RC3H2: variants seen among roughly 807,000 people sequenced by gnomAD.
The protein encoded by RC3H2 is ring finger and CCCH-type domains 2.
In RC3H2, 31 loss-of-function variants were observed where a neutral mutation model predicts 133.3. The ratio of observed to expected loss-of-function variants is 0.23; its 90% CI spans 0.17 to 0.31. The LOEUF (loss-of-function observed/expected upper bound fraction) is 0.31, where lower values mean the gene tolerates loss of function less well. Ranked by LOEUF, RC3H2 falls within the 10% of genes least tolerant of loss-of-function variation. The pLI is 1.00. For missense variants in RC3H2, 1,175 were observed against 1,437.2 expected (o/e 0.82, Z 2.95); for synonymous variants, 517 against 502.2 (o/e 1.03, Z -0.40).
intron 3 of RC3H2, among the ~76,000 whole-genome samples, chr9:122,891,143 C>T (rs1286558037): frequency 1.3e-5 from 2 of 151,712 alleles, no homozygotes; most frequent in African/African-American, 4.8e-5. Context: ...CCTCAGCCTC[C>T]CGAGTAGCTG....
At position 122,891,532 on chromosome 9, in the gene RC3H2, A is replaced by G. The variant is rs114750530; in HGVS notation, c.350-987T>C. ...CTTGACCAAACTTGCTAAATTGGTT[A>G]AATTAGTTAATTCTTAGTTCCTTAT... On this transcript the variant is annotated intron_variant, in intron 3 of 20. Transcript: ENST00000357244. Among the ~76,000 whole-genome samples, 448 of 152,356 alleles carry G rather than the reference A, an allele frequency of 2.9e-3. 2 individuals are homozygous for G. The highest frequency in any genetic ancestry group is 0.01 in the African/African-American group (423 of 41,586).
chr9:122,892,775 GTCTATACATTTTTCAAGGCA>G, intron 3 of RC3H2, 114 bp downstream of exon 3: 1 of 661,734 alleles, frequency 1.5e-6, no homozygotes, highest in Non-Finnish European at 2.6e-6. Flanking sequence ...AATTTTCTCA[GTCTATACATTTTTCAAGGCA>G]TTTCTCAAGC....
chr9:122,858,897 T>G lies in RC3H2; in HGVS notation c.2055A>C (p.Pro685=), dbSNP rs750471890. Residue 685 remains proline, a synonymous_variant, in exon 12 of 21, where the codon CCA becomes CCC. Coordinates refer to ENST00000357244, the MANE Select transcript of RC3H2 (RefSeq NM_001100588.3). ...CAGGAGCATACATTCCAGAAGGTAC[T>G]GGAGGAACTGGTCCATACGGCTGCG... ...PPPQPYGPVP[P]VPSGMYAPVY... 1 of 1,614,246 alleles carries G rather than the reference T, an allele frequency of 6.2e-7. No individual in the cohort carries two copies. Among genetic ancestry groups the G allele is most frequent in the East Asian group, 2.2e-5 (1 of 44,884 alleles).
rs943414589 is a variant in RC3H2, at chr9:122,857,942, C to T, written c.2435G>A (p.Ser812Asn). 25 of 1,614,002 alleles carry T rather than the reference C, an allele frequency of 1.5e-5. No individual in the cohort carries two copies. The highest frequency in any genetic ancestry group is 1.9e-5 in the Non-Finnish European group (22 of 1,179,914). ...TCTTACATCCGCACGAAAGTCTACA[C>T]TGAACAGAGGAGAAGGTGGTGTTGG... is the stretch of plus-strand genomic sequence containing the variant. ...QSPTPPSPLF[S>N]VDFRADFSES... The change falls in exon 13 of 21, where the codon AGT becomes AAT. Residue 812 changes from serine to asparagine, a missense_variant. Physicochemically the swap from Ser to Asn is conservative, Grantham distance 46. This residue lies in a region of RC3H2 where 490 missense variants were observed against 492.8 expected (regional missense o/e 0.99). Transcript: ENST00000357244.
At chr9:122,897,160 G>C in intron 2 of RC3H2, 119 bp downstream of exon 2, 1 of 768,386 alleles carries the variant, frequency 1.3e-6, no homozygotes, top group Non-Finnish European at 2.1e-6. Context: ...ATTTGTGTTG[G>C]GCCGCATTCA....
chr9:122,869,434 TC>T (rs1240421383), intron 9 of RC3H2, among the ~76,000 whole-genome samples: 1 of 152,140 alleles, frequency 6.6e-6, no homozygotes, highest in Non-Finnish European at 1.5e-5. Flanking sequence ...CTCTTCTCCT[TC>T]TCTTTAACAT....
intron 18 of RC3H2, among the ~76,000 whole-genome samples, chr9:122,853,378 T>TAAAAAAA (rs72033785): frequency 2.9e-4 from 24 of 83,620 alleles, no homozygotes; most frequent in East Asian, 2.0e-3. Context: ...GAATGATCAA[T>TAAAAAAA]AAAAAAAAAA....
chr9:122,875,137 T>C (rs958474770), intron 9 of RC3H2: 66 of 1,508,262 alleles, frequency 4.4e-5, no homozygotes, highest in East Asian at 4.9e-5. Context: ...ACTAGTTCGA[T>C]TGGGTACAAA....
chr9:122,863,104 C>T (rs1830521238), intron 10 of RC3H2, among the ~76,000 whole-genome samples: 1 of 152,076 alleles, frequency 6.6e-6, no homozygotes, highest in Admixed American at 6.6e-5. Context: ...AGCCCTAAAC[C>T]CCTAGAAACC....
Position 122,905,237 on chromosome 9 carries a change from T to C in RC3H2, c.-195A>G. 2 of 985,380 alleles carry C rather than the reference T, an allele frequency of 2.0e-6. No individual in the cohort carries two copies. Among genetic ancestry groups the C allele is most frequent in the Non-Finnish European group, 2.4e-6 (2 of 829,906 alleles). 61.0% of individuals were successfully genotyped at this position (985,380 alleles called of 1,614,324 possible). On this transcript the variant is annotated 5_prime_UTR_variant, in exon 1 of 21. It removes an upstream start codon present in the reference 5' UTR. Transcript: ENST00000357244. ...GGAGGTTTCACGACCTCAAACTCCA[T>C]CGGGAGCTACAGGGACAGCCCCGTT...
At chr9:122,892,450 G>A (rs953836429) in intron 3 of RC3H2, among the ~76,000 whole-genome samples, 12 of 150,860 alleles carry the variant, frequency 8.0e-5, no homozygotes, top group South Asian at 4.2e-4. Flanking sequence ...TTGCTCTGTC[G>A]CCCCAGGCTG....
chr9:122,864,127 T>C (rs1428196077), intron 10 of RC3H2, among the ~76,000 whole-genome samples: 1 of 152,260 alleles, frequency 6.6e-6, no homozygotes, highest in East Asian at 1.9e-4. Flanking sequence ...CATTGATTGC[T>C]ATGTGCCTAG....
At chr9:122,903,371 T>G (rs1299724662) in intron 1 of RC3H2, among the ~76,000 whole-genome samples, 1 of 152,264 alleles carries the variant, frequency 6.6e-6, no homozygotes, top group Non-Finnish European at 1.5e-5. Flanking sequence ...TTTTTAGCGT[T>G]CTTAGCTATT....
intron 18 of RC3H2, among the ~76,000 whole-genome samples, chr9:122,853,474 A>C (rs1403590655): frequency 6.6e-6 from 1 of 152,092 alleles, no homozygotes; most frequent in African/African-American, 2.4e-5. Context: ...ATGATCAGCC[A>C]GGCACGGGGG....
chr9:122,847,840 T>G lies in RC3H2; in HGVS notation c.*1787A>C, dbSNP rs968258366. ...GCTACAAACAAACATCTTCATACAT[T>G]TGAGTATTAAATAAATGTGTAAGAT... is the stretch of plus-strand genomic sequence containing the variant. On this transcript the variant is annotated 3_prime_UTR_variant, in exon 21 of 21. Coordinates refer to ENST00000357244, the MANE Select transcript of RC3H2 (RefSeq NM_001100588.3). 1.3e-5 allele frequency: 2 copies of G among 152,138 alleles called. No homozygotes were observed. The highest frequency in any genetic ancestry group is 4.8e-5 in the African/African-American group (2 of 41,438). The allele number at this position is 152,138 out of a possible 1,614,324, so 9.4% of individuals were successfully genotyped here. A position where few individuals can be genotyped will look rare whatever the true frequency, so the allele number is the denominator to read the frequency against.
chr9:122,898,947 A>G (rs1832539093), intron 1 of RC3H2, among the ~76,000 whole-genome samples: 1 of 152,112 alleles, frequency 6.6e-6, no homozygotes, highest in East Asian at 1.9e-4. Flanking sequence ...TTTATTTCAC[A>G]GGAATGTTTA....
At chr9:122,863,185 T>C (rs1223981756) in intron 10 of RC3H2, among the ~76,000 whole-genome samples, 1 of 152,258 alleles carries the variant, frequency 6.6e-6, no homozygotes, top group African/African-American at 2.4e-5. Context: ...CTTTTGTATC[T>C]GGCTTCTTTC....
chr9:122,866,479 C>T (rs1251503405), intron 9 of RC3H2, among the ~76,000 whole-genome samples: 4 of 151,152 alleles, frequency 2.6e-5, no homozygotes, highest in Non-Finnish European at 5.9e-5. Flanking sequence ...GTACTGCTGC[C>T]ATCTCGGCTC....
At chr9:122,853,894 A>C in intron 18 of RC3H2, 58 bp downstream of exon 18, 1 of 1,614,250 alleles carries the variant, frequency 6.2e-7, no homozygotes, top group Non-Finnish European at 8.5e-7. Context: ...TATAACCAAG[A>C]TGCAGCAGCA....
Sources: gnomAD v4.1 joint callset for allele counts (sites outside exome capture counted in the v4.1 genomes callset) on GRCh38, gnomAD v4.1.1 for gene constraint, gnomAD v4.1.1 regional missense constraint, MANE v1.5 for transcripts, NCBI Gene and HGNC (gene_info 2026-07-23, HGNC 2026-07-21) for gene names.